Variants in MCPH1 observed in about 807,000 individuals in gnomAD.
MCPH1 encodes microcephalin 1.
In MCPH1, 104 loss-of-function variants were observed where a neutral mutation model predicts 84.5. That is an observed-to-expected ratio of 1.23 (90% CI 1.05 to 1.45). The LOEUF is 1.45. MCPH1 is among the 40% of genes most tolerant of loss of function. The pLI is 0.00. For missense variants in MCPH1, 1,498 were observed against 1,005.7 expected (o/e 1.49, Z -6.62); for synonymous variants, 514 against 366.8 (o/e 1.40, Z -4.58).
chr8:6,511,552 G>GAA (rs201475579), intron 12 of MCPH1, among the ~76,000 whole-genome samples: 1 of 151,024 alleles, frequency 6.6e-6, no homozygotes, highest in African/African-American at 2.4e-5. Flanking sequence ...TTTCTTCTGG[G>GAA]AAAAAAAAAT....
At chr8:6,553,263 T>TA (rs1161233049) in intron 12 of MCPH1, among the ~76,000 whole-genome samples, 1 of 152,106 alleles carries the variant, frequency 6.6e-6, no homozygotes, top group Non-Finnish European at 1.5e-5. Context: ...AAAACTGCTC[T>TA]AAAAAACATA....
intron 13 of MCPH1, among the ~76,000 whole-genome samples, chr8:6,622,501 C>T (rs1831563118): frequency 6.6e-6 from 1 of 152,250 alleles, no homozygotes. Flanking sequence ...CCTAGGGCTC[C>T]ACTGTGGGGA....
At chr8:6,411,144 A>C (rs139246496) in intron 2 of MCPH1, among the ~76,000 whole-genome samples, 1 of 152,206 alleles carries the variant, frequency 6.6e-6, no homozygotes, top group African/African-American at 2.4e-5. Context: ...TTTTGGCCTG[A>C]TGTCAAAAGG....
At chr8:6,522,284 G>C (rs1433816587) in intron 12 of MCPH1, among the ~76,000 whole-genome samples, 2 of 152,122 alleles carry the variant, frequency 1.3e-5, no homozygotes, top group Admixed American at 6.5e-5. Flanking sequence ...GATCTCGGGA[G>C]GCGGAGCTTG....
At chr8:6,489,339 C>T (rs1810308997) in intron 11 of MCPH1, among the ~76,000 whole-genome samples, 2 of 151,822 alleles carry the variant, frequency 1.3e-5, no homozygotes, top group African/African-American at 2.4e-5. Context: ...GACCCGGGAA[C>T]GGCTAGCTAG....
At chr8:6,627,529 T>G (rs940133703) in intron 13 of MCPH1, among the ~76,000 whole-genome samples, 12 of 152,234 alleles carry the variant, frequency 7.9e-5, no homozygotes, top group Non-Finnish European at 1.3e-4. Flanking sequence ...TCTACCAGCA[T>G]ATAAATGAAT....
chr8:6,643,104 A>G lies in MCPH1; in HGVS notation c.*55A>G. ...ACACAGCTCGCAAAACTGTCTTTGG[A>G]TGTTCAAATGAGAAACAAAACTGTG... is the stretch of plus-strand genomic sequence containing the variant. On this transcript the variant is annotated 3_prime_UTR_variant, in exon 14 of 14. Transcript: ENST00000344683. 6.8e-7 allele frequency: 1 copy of G among 1,460,944 alleles called. No individual in the cohort carries two copies. The highest frequency in any genetic ancestry group is 9.6e-7 in the Non-Finnish European group (1 of 1,041,882). 90.5% of individuals were successfully genotyped at this position (1,460,944 alleles called of 1,614,324 possible).
At chr8:6,515,772 G>A (rs1259273722) in intron 12 of MCPH1, among the ~76,000 whole-genome samples, 2 of 152,224 alleles carry the variant, frequency 1.3e-5, no homozygotes, top group South Asian at 2.1e-4. Context: ...TTCTTCTTGT[G>A]TTGTGTCCCA....
intron 13 of MCPH1, among the ~76,000 whole-genome samples, chr8:6,624,734 G>A (rs1410886530): frequency 6.6e-6 from 1 of 152,132 alleles, no homozygotes; most frequent in East Asian, 1.9e-4. Flanking sequence ...CTGCCGCTAT[G>A]TACAAATAAA....
chr8:6,505,318 ATGT>A (rs1482588080), intron 12 of MCPH1, among the ~76,000 whole-genome samples: 8 of 59,726 alleles, frequency 1.3e-4, no homozygotes, highest in Admixed American at 1.7e-4. Flanking sequence ...TAACATATAT[ATGT>A]TATATACATA....
rs752775102 is a variant in MCPH1, at chr8:6,438,951, A to G, written c.437-2A>G. On this transcript the variant is annotated splice_acceptor_variant, in intron 5 of 13. Coordinates refer to ENST00000344683, the MANE Select transcript of MCPH1 (RefSeq NM_024596.5). LOFTEE classifies it high-confidence loss of function. ...TAAAGTGGATTTTTTGTTTATTTTC[A>G]GATGATGATGTACCTATTCTCTTAT... The G allele has an allele frequency of 1.9e-6, 3 of 1,611,802 alleles. No individual in the cohort carries two copies. In the South Asian group the frequency reaches 3.3e-5, roughly 18 times the overall value.
chr8:6,506,680 A>C (rs1324777454), intron 12 of MCPH1, among the ~76,000 whole-genome samples: 7 of 152,128 alleles, frequency 4.6e-5, no homozygotes, highest in Non-Finnish European at 1.0e-4. Flanking sequence ...TTGCAAAATC[A>C]ATAGGAGGGC....
chr8:6,504,243 G>T (rs961264084), intron 12 of MCPH1, among the ~76,000 whole-genome samples: 3 of 150,620 alleles, frequency 2.0e-5, no homozygotes, highest in African/African-American at 7.3e-5. Flanking sequence ...GCGTGAACCC[G>T]GGAGGCGGAG....
intron 12 of MCPH1, among the ~76,000 whole-genome samples, chr8:6,585,621 A>G (rs1827915046): frequency 6.6e-6 from 1 of 152,258 alleles, no homozygotes; most frequent in African/African-American, 2.4e-5. Context: ...TATTTGTGAC[A>G]TCAGGCATCA....
intron 11 of MCPH1, among the ~76,000 whole-genome samples, chr8:6,488,437 A>T (rs1424183890): frequency 2.0e-5 from 3 of 152,236 alleles, no homozygotes; most frequent in Non-Finnish European, 4.4e-5. Flanking sequence ...TGAAAGAGTC[A>T]AAGTGATTTT....
intron 4 of MCPH1, among the ~76,000 whole-genome samples, chr8:6,433,747 C>T (rs569085713): frequency 5.9e-5 from 9 of 151,430 alleles, no homozygotes; most frequent in Non-Finnish European, 1.2e-4. Flanking sequence ...GTACACTTTA[C>T]CACTTTAATT....
chr8:6,621,636 C>G lies in MCPH1; in HGVS notation c.2397C>G (p.Pro799=), dbSNP rs1158113603. 1.9e-6 allele frequency: 3 copies of G among 1,614,108 alleles called. No homozygotes were observed. Among genetic ancestry groups the G allele is most frequent in the African/African-American group, 1.3e-5 (1 of 74,932 alleles). The change falls in exon 13 of 14, where the codon CCC becomes CCG. Residue 799 remains proline, a synonymous_variant. Transcript: ENST00000344683. ...VPRQASIVIG[P]YSGKKKATVK... is the part of the protein sequence containing the mutation. ...GCCAGGCCAGCATCGTCATCGGGCC[C>G]TACAGCGGAAAGAAGAAAGCCACAG...
chr8:6,476,064 T>G (rs1035059772), intron 9 of MCPH1, among the ~76,000 whole-genome samples: 3 of 152,208 alleles, frequency 2.0e-5, no homozygotes, highest in Non-Finnish European at 4.4e-5. Flanking sequence ...ACTGTCAGTA[T>G]TCACTACAGT....
chr8:6,626,398 T>C, intron 13 of MCPH1: 1 of 985,142 alleles, frequency 1.0e-6, no homozygotes, highest in Non-Finnish European at 1.2e-6. Context: ...GAAACTGTAT[T>C]GTACTTGGGC....
Sources: allele counts gnomAD v4.1 joint callset (sites outside exome capture counted in the v4.1 genomes callset), GRCh38; gene constraint gnomAD v4.1.1; transcripts MANE v1.5; gene names NCBI Gene and HGNC (gene_info 2026-07-23, HGNC 2026-07-21).